The following POLN variants were observed in gnomAD, a reference collection of about 807,000 sequenced individuals.
POLN encodes the protein DNA polymerase nu.
Under a neutral mutation model 113.5 loss-of-function variants are expected in POLN, and 108 were observed. The ratio of observed to expected loss-of-function variants is 0.95; its 90% CI spans 0.81 to 1.12. The LOEUF (loss-of-function observed/expected upper bound fraction) is 1.12. Ranked by LOEUF, POLN falls within the 50% of genes most tolerant of loss-of-function variation. The pLI is 0.00. For missense variants in POLN, 1,097 were observed against 1,077.1 expected (o/e 1.02, Z -0.26); for synonymous variants, 386 against 391.5 (o/e 0.99, Z 0.17).
At chr4:2,182,041 A>G (rs1733156296) in intron 7 of POLN, among the ~76,000 whole-genome samples, 1 of 152,150 alleles carries the variant, frequency 6.6e-6, no homozygotes, top group Non-Finnish European at 1.5e-5. Flanking sequence ...ATAAAGACAT[A>G]TACATAATCA....
chr4:2,188,647 C>T (rs1334974718), intron 7 of POLN, among the ~76,000 whole-genome samples: 1 of 150,492 alleles, frequency 6.6e-6, no homozygotes, highest in Non-Finnish European at 1.5e-5. Flanking sequence ...AAAAAAACCA[C>T]GAACATACAA....
At chr4:2,103,344 G>A (rs1487819850) in intron 19 of POLN, among the ~76,000 whole-genome samples, 2 of 151,960 alleles carry the variant, frequency 1.3e-5, no homozygotes, top group Admixed American at 1.3e-4. Flanking sequence ...ACAACAGACT[G>A]GGCCAAGCAG....
chr4:2,164,359 G>A (rs1194996637), intron 13 of POLN, among the ~76,000 whole-genome samples: 3 of 151,756 alleles, frequency 2.0e-5, no homozygotes, highest in Admixed American at 6.6e-5. Context: ...AAATTAGCCA[G>A]GCGTGGTGGT....
chr4:2,232,391 G>C lies in POLN; in HGVS notation c.-12-3148C>G, dbSNP rs73796988. Reference sequence around the variant, plus strand: ...TTTAAGTGATTCAAAGGAAACTCTTGCTGAAGTGTACTCGATATGTAAGCT... The same window carrying C: ...TTTAAGTGATTCAAAGGAAACTCTTCCTGAAGTGTACTCGATATGTAAGCT... On this transcript the variant is annotated intron_variant, in intron 2 of 25. Coordinates refer to ENST00000511885, the MANE Select transcript of POLN (RefSeq NM_181808.4). Among the ~76,000 whole-genome samples the C allele has an allele frequency of 4.2e-3, 646 of 152,246 alleles. 5 individuals are homozygous for C. Among genetic ancestry groups the C allele is most frequent in the African/African-American group, 0.015 (608 of 41,556 alleles).
At chr4:2,201,533 C>T (rs1165296374) in intron 5 of POLN, among the ~76,000 whole-genome samples, 1 of 151,828 alleles carries the variant, frequency 6.6e-6, no homozygotes, top group Non-Finnish European at 1.5e-5. Flanking sequence ...AACAAAGCCT[C>T]CAAGAAGTCT....
At chr4:2,080,013 G>A (rs1022181655) in intron 23 of POLN, 52 of 985,384 alleles carry the variant, frequency 5.3e-5, no homozygotes, top group Admixed American at 6.1e-5. Flanking sequence ...AGACCCCCAC[G>A]GGACTGTCGC....
chr4:2,081,065 T>TC (rs1289929452), intron 22 of POLN, 29 bp from the exon 23 acceptor site: 1 of 1,612,972 alleles, frequency 6.2e-7, no homozygotes, highest in African/African-American at 1.3e-5. Context: ...TGTCTTGAGG[T>TC]CCCATGGCAC....
intron 19 of POLN, among the ~76,000 whole-genome samples, chr4:2,115,499 T>C (rs1159057033): frequency 1.3e-5 from 2 of 152,198 alleles, no homozygotes; most frequent in Non-Finnish European, 2.9e-5. Flanking sequence ...AGCATTTTAA[T>C]CATAATTTTT....
chr4:2,160,220 C>T (rs1035412214), intron 13 of POLN, among the ~76,000 whole-genome samples: 1 of 152,206 alleles, frequency 6.6e-6, no homozygotes, highest in Non-Finnish European at 1.5e-5. Context: ...CTGTTGGACA[C>T]TATTCATATA....
Position 2,148,537 on chromosome 4 carries a change from T to A in POLN, c.1731+8251A>T, listed in dbSNP as rs1305552312. 2.0e-5 allele frequency among the ~76,000 whole-genome samples: 3 copies of A among 152,144 alleles called. No individual in the cohort carries two copies. The East Asian group carries it at 5.8e-4, about 29-fold the overall frequency. ...CAAAAATTAGCTGGGCATGGTGGCATGCGCCTGTAATCCCAGCTACTCAGG... is the reference window on the plus strand; with the variant it reads ...CAAAAATTAGCTGGGCATGGTGGCAAGCGCCTGTAATCCCAGCTACTCAGG... On this transcript the variant is annotated intron_variant, in intron 16 of 25. Transcript: ENST00000511885.
chr4:2,196,569 C>T (rs559971967), intron 6 of POLN, among the ~76,000 whole-genome samples: 2 of 149,534 alleles, frequency 1.3e-5, no homozygotes, highest in Non-Finnish European at 3.0e-5. Context: ...ATTTTTGAGA[C>T]AATCAGGTAG....
chr4:2,085,020 G>A (rs996174455), intron 21 of POLN, among the ~76,000 whole-genome samples: 3 of 152,084 alleles, frequency 2.0e-5, no homozygotes, highest in East Asian at 1.9e-4. Flanking sequence ...TAAGTGAGGC[G>A]TCAGCTTAGC....
chr4:2,072,215 G>A lies in POLN; in HGVS notation c.2602C>T (p.Pro868Ser). ...TTGCTGGGAGACTCAGTGCGACATGGGCCTGGCGGAGGGCCCCAGGCCTCC... is the reference window on the plus strand; with the variant it reads ...TTGCTGGGAGACTCAGTGCGACATGAGCCTGGCGGAGGGCCCCAGGCCTCC... The part of the protein sequence containing the change: ...LQEAWGPPPG[P>S]CRTESPSNSL... Residue 868 changes from proline (P) to serine (S), a missense_variant, in exon 26 of 26, where the codon CCA (proline) becomes TCA (serine). Transcript: ENST00000511885. 1.2e-6 allele frequency: 2 copies of A among 1,606,682 alleles called. No individual in the cohort carries two copies. The highest frequency in any genetic ancestry group is 1.7e-5 in the Admixed American group (1 of 59,354).
chr4:2,084,347 A>T (rs960949084), intron 21 of POLN, among the ~76,000 whole-genome samples: 2 of 152,092 alleles, frequency 1.3e-5, no homozygotes, highest in Non-Finnish European at 2.9e-5. Context: ...GCAGGTCGCC[A>T]GCTCCATGAG....
chr4:2,079,724 A>G (rs1426004940), intron 23 of POLN: 2 of 744,908 alleles, frequency 2.7e-6, no homozygotes, highest in Non-Finnish European at 3.3e-6. Flanking sequence ...AGCTGGGATT[A>G]CAGGTGTGCG....
At chr4:2,174,897 A>G (rs1354557937) in intron 9 of POLN, 146 bp from the exon 10 acceptor site, 2 of 584,002 alleles carry the variant, frequency 3.4e-6, no homozygotes, top group Non-Finnish European at 6.0e-6. Flanking sequence ...ATCTCAGCGC[A>G]CTGCAACCTC....
In POLN at chr4:2,086,714, T is replaced by A. The variant is rs546912063; in HGVS notation, c.2066-970A>T. Among the ~76,000 whole-genome samples the A allele has an allele frequency of 1.1e-3, 166 of 152,274 alleles. 1 individual carries two copies. The highest frequency in any genetic ancestry group is 3.8e-3 in the African/African-American group (156 of 41,548). ...AGCCTTGGCCCTGGGGAGTGCTGTATCCTTGGAAGGAACCCCAGAGAGACA... is the reference window on the plus strand; with the variant it reads ...AGCCTTGGCCCTGGGGAGTGCTGTAACCTTGGAAGGAACCCCAGAGAGACA... On this transcript the variant is annotated intron_variant, in intron 20 of 25. Transcript: ENST00000511885.
intron 19 of POLN, among the ~76,000 whole-genome samples, chr4:2,105,125 CTT>C (rs1731031185): frequency 6.6e-6 from 1 of 152,206 alleles, no homozygotes; most frequent in Admixed American, 6.5e-5. Flanking sequence ...CGACTGAACT[CTT>C]GTTCTGACCT....
chr4:2,161,844 T>C lies in POLN; in HGVS notation c.1555-2633A>G, dbSNP rs566165530. On this transcript the variant is annotated intron_variant, in intron 13 of 25. Transcript: ENST00000511885. The stretch of plus-strand genomic sequence containing the variant: ...TGTAAATACACCAATCAGCACCCTG[T>C]GTCTAGCTCAGGGTTTGTGAATGCA... Among the ~76,000 whole-genome samples, 482 of 152,280 alleles carry C rather than the reference T, an allele frequency of 3.2e-3. 1 individual carries two copies. The highest frequency in any genetic ancestry group is 0.011 in the African/African-American group (444 of 41,562).
Sources: gnomAD v4.1 joint callset for allele counts (sites outside exome capture counted in the v4.1 genomes callset) on GRCh38, gnomAD v4.1.1 for gene constraint, MANE v1.5 for transcripts, NCBI Gene and HGNC (gene_info 2026-07-23, HGNC 2026-07-21) for gene names.